CELF4: variants seen among roughly 807,000 people sequenced by gnomAD.
The protein encoded by CELF4 is CUGBP Elav-like family member 4, also known as CUG-BP- and ETR-3-like factor 4.
Under a neutral mutation model 59.9 loss-of-function variants are expected in CELF4, and 18 were observed. The ratio of observed to expected loss-of-function variants is 0.30; its 90% CI spans 0.21 to 0.45. The LOEUF (loss-of-function observed/expected upper bound fraction) is 0.45, where lower values mean the gene tolerates loss of function less well. Ranked by LOEUF, CELF4 falls within the 20% of genes least tolerant of loss-of-function variation. CELF4 has a pLI of 1.00. For synonymous variants in CELF4, 261 were observed against 267.1 expected (o/e 0.98, Z 0.22); for missense variants, 456 against 689.0 (o/e 0.66, Z 3.79).
chr18:37,500,240 C>G (rs900562657), intron 1 of CELF4, among the ~76,000 whole-genome samples: 2 of 152,210 alleles, frequency 1.3e-5, no homozygotes, highest in African/African-American at 4.8e-5. Context: ...GCAGCCATGG[C>G]TGGGGAGAGA....
intron 1 of CELF4, among the ~76,000 whole-genome samples, chr18:37,520,220 G>A (rs1427030471): frequency 6.6e-6 from 1 of 152,188 alleles, no homozygotes; most frequent in Non-Finnish European, 1.5e-5. Flanking sequence ...GGGGAACAGT[G>A]TCTCCTCTCT....
At chr18:37,497,253 C>T (rs907057992) in intron 1 of CELF4, among the ~76,000 whole-genome samples, 5 of 152,170 alleles carry the variant, frequency 3.3e-5, no homozygotes, top group Admixed American at 2.0e-4. Flanking sequence ...GTTGGAGGTG[C>T]TGTCTTCTGT....
chr18:37,502,072 T>C (rs1374016183), intron 1 of CELF4, among the ~76,000 whole-genome samples: 3 of 152,160 alleles, frequency 2.0e-5, no homozygotes, highest in Non-Finnish European at 4.4e-5. Context: ...AGGCCCCCCG[T>C]GAACCTCGAG....
chr18:37,274,328 C>T lies in CELF4; in HGVS notation c.784G>A (p.Gly262Ser), dbSNP rs771535905. 7 of 1,612,928 alleles carry T rather than the reference C, an allele frequency of 4.3e-6. No homozygotes were observed. Among genetic ancestry groups the T allele is most frequent in the Admixed American group, 3.3e-5 (2 of 59,912 alleles). ...NPMAIPFGAY[G>S]AYAQALMQQQ... The stretch of plus-strand genomic sequence containing the variant: ...CCACTTACTGCCTGAGCGTAGGCGC[C>T]GTAGGCCCCGAAAGGGATGGCCATG... Residue 262 changes from glycine to serine, a missense_variant, in exon 6 of 13, where the codon GGC (glycine) becomes AGC (serine). Gly to Ser is a moderately conservative substitution (Grantham distance 56, BLOSUM62 0). Coordinates refer to ENST00000420428, the MANE Select transcript of CELF4 (RefSeq NM_020180.4).
chr18:37,415,688 C>CT (rs1421392743), intron 2 of CELF4, among the ~76,000 whole-genome samples: 1 of 152,162 alleles, frequency 6.6e-6, no homozygotes, highest in East Asian at 1.9e-4. Flanking sequence ...CCTTAATATT[C>CT]TGCTGTATAT....
chr18:37,455,146 A>G lies in CELF4; in HGVS notation c.369+30379T>C, dbSNP rs1049360023. The stretch of plus-strand genomic sequence containing the variant: ...TACGAGAGCCTTTTATTTCCTTAAA[A>G]CAGCAGCGCCTTCATTTTGTTTTAA... On this transcript the variant is annotated intron_variant, in intron 2 of 12. Coordinates refer to ENST00000420428, the MANE Select transcript of CELF4 (RefSeq NM_020180.4). Among the ~76,000 whole-genome samples the G allele has an allele frequency of 2.0e-5, 3 of 152,364 alleles. 1 individual carries two copies. Among genetic ancestry groups the G allele is most frequent in the African/African-American group, 7.2e-5 (3 of 41,586 alleles).
At chr18:37,266,817 T>C (rs1263657779) in intron 8 of CELF4, among the ~76,000 whole-genome samples, 2 of 152,112 alleles carry the variant, frequency 1.3e-5, no homozygotes, top group East Asian at 3.9e-4. Context: ...TTGCCCACCC[T>C]GGCTGGGGGA....
At chr18:37,523,422 T>A (rs945549788) in intron 1 of CELF4, among the ~76,000 whole-genome samples, 1 of 152,172 alleles carries the variant, frequency 6.6e-6, no homozygotes, top group African/African-American at 2.4e-5. Flanking sequence ...CAGCACCTGG[T>A]ACCTGCCATG....
At chr18:37,310,130 A>G (rs2096591768) in intron 3 of CELF4, among the ~76,000 whole-genome samples, 1 of 152,078 alleles carries the variant, frequency 6.6e-6, no homozygotes, top group African/African-American at 2.4e-5. Context: ...GGAAGATTCC[A>G]TAGTTCACCA....
intron 2 of CELF4, among the ~76,000 whole-genome samples, chr18:37,380,062 C>A (rs550973367): frequency 3.1e-4 from 47 of 152,290 alleles, no homozygotes; most frequent in African/African-American, 1.1e-3. Context: ...CAGCTTGTGG[C>A]TGGTGCCTCC....
chr18:37,533,591 A>G (rs982697928), intron 1 of CELF4, among the ~76,000 whole-genome samples: 1 of 152,246 alleles, frequency 6.6e-6, no homozygotes. Flanking sequence ...TTATTTCTAA[A>G]AGGATCCCTT....
chr18:37,474,513 A>G (rs2099843241), intron 2 of CELF4, among the ~76,000 whole-genome samples: 1 of 152,232 alleles, frequency 6.6e-6, no homozygotes, highest in Admixed American at 6.5e-5. Context: ...GTGCCCTAGG[A>G]TGAGGAGGAA....
chr18:37,526,005 G>A (rs1251007665), intron 1 of CELF4, among the ~76,000 whole-genome samples: 4 of 152,126 alleles, frequency 2.6e-5, no homozygotes, highest in Non-Finnish European at 5.9e-5. Flanking sequence ...TGTGTTTAAC[G>A]AGAACTTCAG....
intron 2 of CELF4, among the ~76,000 whole-genome samples, chr18:37,480,916 G>A (rs923697378): frequency 1.3e-5 from 2 of 152,054 alleles, no homozygotes; most frequent in African/African-American, 4.8e-5. Context: ...GTGAGAAGAA[G>A]GGATAGAAAG....
chr18:37,394,179 A>T (rs552834086), intron 2 of CELF4, among the ~76,000 whole-genome samples: 2 of 152,166 alleles, frequency 1.3e-5, no homozygotes, highest in African/African-American at 4.8e-5. Context: ...CCGAGCTGTG[A>T]CCATGGCCAG....
Position 37,264,776 on chromosome 18 carries a change from A to G in CELF4, c.1166-19T>C. The G allele has an allele frequency of 1.9e-6, 3 of 1,556,190 alleles. No homozygotes were observed. The highest frequency in any genetic ancestry group is 2.6e-6 in the Non-Finnish European group (3 of 1,147,456). On this transcript the variant is annotated intron_variant, in intron 9 of 12. Transcript: ENST00000420428. ...GCAGCTGCTGGAGGCCCAAGACAAG[A>G]AGCAAGAGCCGGCGACAAGGCAGAG... is the stretch of plus-strand genomic sequence containing the variant.
intron 2 of CELF4, among the ~76,000 whole-genome samples, chr18:37,467,518 G>A (rs2099811927): frequency 6.6e-6 from 1 of 152,126 alleles, no homozygotes; most frequent in East Asian, 1.9e-4. Context: ...CGTGGACCAG[G>A]CTGAGGATGA....
intron 2 of CELF4, among the ~76,000 whole-genome samples, chr18:37,420,319 C>T (rs1321790829): frequency 2.0e-5 from 3 of 152,240 alleles, no homozygotes; most frequent in East Asian, 3.9e-4. Flanking sequence ...CACTGAATGT[C>T]TCAGCACCTT....
intron 4 of CELF4, 34 bp downstream of exon 4, chr18:37,275,081 T>C: frequency 6.2e-7 from 1 of 1,607,760 alleles, no homozygotes; most frequent in African/African-American, 1.3e-5. Flanking sequence ...CGCCCCTCCC[T>C]CCGGGGCATC....
Sources: gnomAD v4.1 joint callset for allele counts (sites outside exome capture counted in the v4.1 genomes callset) on GRCh38, gnomAD v4.1.1 for gene constraint, MANE v1.5 for transcripts, NCBI Gene and HGNC (gene_info 2026-07-23, HGNC 2026-07-21) for gene names.